RNF38: variants seen among roughly 807,000 people sequenced by gnomAD.
RNF38 encodes E3 ubiquitin-protein ligase RNF38.
A neutral mutation model predicts 67.2 loss-of-function variants in RNF38; 15 were observed. The ratio of observed to expected loss-of-function variants is 0.22; its 90% CI spans 0.15 to 0.34. The LOEUF (loss-of-function observed/expected upper bound fraction) is 0.34, where lower values mean the gene tolerates loss of function less well. Ranked by LOEUF, RNF38 falls within the 10% of genes least tolerant of loss-of-function variation. The probability of loss-of-function intolerance (pLI) is 1.00; values close to 1 mark genes in which losing one functional copy is unlikely to be tolerated. For missense variants in RNF38, 524 were observed against 639.9 expected, an observed-to-expected ratio of 0.82 and a Z score of 1.95; for synonymous variants, 220 against 218.8, an observed-to-expected ratio of 1.01 and a Z score of -0.05.
chr9:36,483,949 G>C (rs1272225840), intron 1 of RNF38, among the ~76,000 whole-genome samples: 3 of 152,130 alleles, frequency 2.0e-5, no homozygotes, highest in African/African-American at 4.8e-5. Context: ...GAGGGGTATG[G>C]CATCCAACCC....
chr9:36,432,024 TA>T (rs757040112), intron 1 of RNF38, among the ~76,000 whole-genome samples: 4 of 152,232 alleles, frequency 2.6e-5, no homozygotes, highest in African/African-American at 4.8e-5. Flanking sequence ...AACAAATATG[TA>T]TTTTTTATTA....
Position 36,356,490 on chromosome 9 carries a change from TAC to T in RNF38, c.739-19_739-18del. Reference sequence around the variant, plus strand: ...CTGAAGCATCTGTAAGAGAAACCATTACAGTTTGGTTAAAAATATCAGAATAT... The same window carrying T: ...CTGAAGCATCTGTAAGAGAAACCATTAGTTTGGTTAAAAATATCAGAATAT... On this transcript the variant is annotated intron_variant, in intron 5 of 11. Transcript: ENST00000259605. 6.5e-7 allele frequency: 1 copy of T among 1,533,776 alleles called. No homozygotes were observed. The highest frequency in any genetic ancestry group is 1.3e-5 in the South Asian group (1 of 79,070).
At chr9:36,343,837 T>C (rs1244481786) in intron 10 of RNF38, among the ~76,000 whole-genome samples, 1 of 152,150 alleles carries the variant, frequency 6.6e-6, no homozygotes, top group Non-Finnish European at 1.5e-5. Flanking sequence ...GTGTAATCTA[T>C]ATAGACACAG....
chr9:36,463,113 C>T lies in RNF38; in HGVS notation n.241+24195G>A, dbSNP rs116871248. ...TTCATTCTTTGCTTATCTTGGCCTA[C>T]CCTGATCTGTTTTTCTTCTTACCAC... On this transcript the variant is annotated intron_variant and non_coding_transcript_variant, in intron 1 of 3. Transcript: ENST00000488058. Among the ~76,000 whole-genome samples the T allele has an allele frequency of 4.5e-3, 691 of 152,254 alleles. 11 individuals carry two copies. Among genetic ancestry groups the T allele is most frequent in the Admixed American group, 0.033 (510 of 15,282 alleles).
At chr9:36,390,994 G>A (rs1019376174) in intron 1 of RNF38, among the ~76,000 whole-genome samples, 2 of 152,154 alleles carry the variant, frequency 1.3e-5, no homozygotes, top group African/African-American at 4.8e-5. Context: ...GTGTTTGCCT[G>A]GACCAAGATT....
intron 1 of RNF38, among the ~76,000 whole-genome samples, chr9:36,398,866 TC>T (rs1264550375): frequency 6.6e-6 from 1 of 152,180 alleles, no homozygotes; most frequent in Non-Finnish European, 1.5e-5. Context: ...TGACCAATAA[TC>T]TTTCCATACT....
At chr9:36,359,533 A>G (rs1307421657) in intron 4 of RNF38, among the ~76,000 whole-genome samples, 1 of 152,072 alleles carries the variant, frequency 6.6e-6, no homozygotes, top group Non-Finnish European at 1.5e-5. Flanking sequence ...ACATTCCTGG[A>G]TTTCATGCTG....
intron 1 of RNF38, among the ~76,000 whole-genome samples, chr9:36,478,403 CAAAA>C (rs566516265): frequency 2.8e-5 from 2 of 72,284 alleles, no homozygotes; most frequent in African/African-American, 1.0e-4. Flanking sequence ...GACTCCGTCT[CAAAA>C]AAAAAAAAAA....
intron 4 of RNF38, 38 bp downstream of exon 4, chr9:36,369,681 T>G: frequency 6.8e-7 from 1 of 1,476,110 alleles, no homozygotes; most frequent in Non-Finnish European, 9.1e-7. Context: ...GCCACAAAAT[T>G]TCAGCTTCTG....
At position 36,337,464 on chromosome 9, in the gene RNF38, T is replaced by TA. The variant is rs764508991; in HGVS notation, c.*2287dup. On this transcript the variant is annotated 3_prime_UTR_variant, in exon 12 of 12. Transcript: ENST00000259605. ...ATAGAGGGAGAGAAGAAAAAGCTGCTACTCCTAGTCATTAGTACAATGTGC... is the reference window on the plus strand; with the variant it reads ...ATAGAGGGAGAGAAGAAAAAGCTGCTAACTCCTAGTCATTAGTACAATGTGC... 9.2e-5 allele frequency: 14 copies of TA among 152,728 alleles called. No individual in the cohort carries two copies. The highest frequency in any genetic ancestry group is 1.8e-4 in the Non-Finnish European group (12 of 68,046). The allele number at this position is 152,728 out of a possible 1,614,324, so 9.5% of individuals were successfully genotyped here.
Position 36,426,017 on chromosome 9 carries a change from T to C in RNF38, n.242-1334A>G, listed in dbSNP as rs1838761390. On this transcript the variant is annotated intron_variant and non_coding_transcript_variant, in intron 1 of 3. Transcript: ENST00000488058. The stretch of plus-strand genomic sequence containing the variant: ...GCCTCAGACAGTACATTTTAAGATA[T>C]TATTAATGTTGGGAAGATGTTAAGT... Among the ~76,000 whole-genome samples the C allele has an allele frequency of 2.0e-5, 3 of 152,064 alleles. No homozygotes were observed. The South Asian group carries it at 6.2e-4, about 32-fold the overall frequency.
intron 2 of RNF38, among the ~76,000 whole-genome samples, chr9:36,377,727 ATATAACG>A (rs1424098586): frequency 6.6e-6 from 1 of 152,200 alleles, no homozygotes; most frequent in Non-Finnish European, 1.5e-5. Flanking sequence ...TCGTATTTGC[ATATAACG>A]TACACACATC....
At chr9:36,414,923 G>C (rs1489824311) in intron 2 of RNF38, among the ~76,000 whole-genome samples, 1 of 152,170 alleles carries the variant, frequency 6.6e-6, no homozygotes, top group Admixed American at 6.5e-5. Context: ...TGAAAAACGT[G>C]CTGTTAATCT....
chr9:36,472,097 CG>C (rs1840011769), intron 1 of RNF38, among the ~76,000 whole-genome samples: 2 of 152,040 alleles, frequency 1.3e-5, no homozygotes, highest in Non-Finnish European at 2.9e-5. Context: ...TTAGATAATT[CG>C]ATTACAAGAG....
At chr9:36,354,326 G>T (rs1329385552) in intron 6 of RNF38, among the ~76,000 whole-genome samples, 1 of 152,174 alleles carries the variant, frequency 6.6e-6, no homozygotes, top group Non-Finnish European at 1.5e-5. Flanking sequence ...CTGAGTAGCT[G>T]GGGCTAGGGC....
intron 2 of RNF38, among the ~76,000 whole-genome samples, chr9:36,412,560 T>C (rs1318796886): frequency 6.6e-6 from 1 of 152,222 alleles, no homozygotes; most frequent in African/African-American, 2.4e-5. Flanking sequence ...GGTGGATCCC[T>C]TATGAATGGC....
rs1253783625 is a variant in RNF38 at position 36,339,626 on chromosome 9, A to G, written c.*126T>C. 1.4e-6 allele frequency: 1 copy of G among 706,110 alleles called. No homozygotes were observed. Among genetic ancestry groups the G allele is most frequent in the African/African-American group, 1.8e-5 (1 of 56,320 alleles). The allele number at this position is 706,110 out of a possible 1,614,324, so 43.7% of individuals were successfully genotyped here. A position where few individuals can be genotyped will look rare whatever the true frequency, so the allele number is the denominator to read the frequency against. On this transcript the variant is annotated 3_prime_UTR_variant, in exon 12 of 12. Transcript: ENST00000259605. ...TATAGTTGATTAAGTCACACAGTGC[A>G]AAGAAAGGTCCATTGACCCTTTTGG...
At chr9:36,465,339 ATTC>A (rs1839835075) in intron 1 of RNF38, among the ~76,000 whole-genome samples, 1 of 152,140 alleles carries the variant, frequency 6.6e-6, no homozygotes, top group Non-Finnish European at 1.5e-5. Flanking sequence ...TCATAGCAGC[ATTC>A]TTTTTTTCTT....
At chr9:36,394,859 T>C (rs949063333) in intron 1 of RNF38, among the ~76,000 whole-genome samples, 10 of 152,198 alleles carry the variant, frequency 6.6e-5, no homozygotes, top group African/African-American at 2.2e-4. Flanking sequence ...AATAAACTTG[T>C]TTCCTGAAAA....
Sources: allele counts gnomAD v4.1 joint callset (sites outside exome capture counted in the v4.1 genomes callset), GRCh38; gene constraint gnomAD v4.1.1; transcripts MANE v1.5; gene names NCBI Gene and HGNC (gene_info 2026-07-23, HGNC 2026-07-21).